The following DENND1B variants were observed in gnomAD, a reference collection of about 807,000 sequenced individuals.
DENND1B encodes DENN domain-containing protein 1B.
In DENND1B, 59 loss-of-function variants were observed where a neutral mutation model predicts 90.1. The observed-to-expected ratio is 0.65, with a 90% confidence interval of 0.53 to 0.81. DENND1B has a LOEUF of 0.81. DENND1B is among the 40% of genes least tolerant of loss of function. The probability of loss-of-function intolerance (pLI) is 0.00; values close to 1 mark genes in which losing one functional copy is unlikely to be tolerated. For missense variants in DENND1B, 862 were observed against 912.6 expected (o/e 0.94, Z 0.71); for synonymous variants, 337 against 324.6 (o/e 1.04, Z -0.41).
chr1:197,756,731 T>TA (rs1264462413), intron 2 of DENND1B, among the ~76,000 whole-genome samples: 1 of 151,738 alleles, frequency 6.6e-6, no homozygotes, highest in Non-Finnish European at 1.5e-5. Context: ...CCTTTTTATT[T>TA]AAAAAAATTC....
intron 2 of DENND1B, among the ~76,000 whole-genome samples, chr1:197,759,298 C>A (rs575474451): frequency 1.2e-4 from 18 of 149,388 alleles, no homozygotes; most frequent in Admixed American, 2.0e-4. Flanking sequence ...ATTTAAAAAA[C>A]CAAATAAAAG....
At chr1:197,529,826 G>T (rs1257988166) in intron 20 of DENND1B, among the ~76,000 whole-genome samples, 2 of 151,982 alleles carry the variant, frequency 1.3e-5, no homozygotes, top group African/African-American at 4.8e-5. Context: ...ACTGATGAAA[G>T]AACATAAGTA....
At chr1:197,640,783 C>G (rs574616265) in intron 10 of DENND1B, among the ~76,000 whole-genome samples, 2 of 152,210 alleles carry the variant, frequency 1.3e-5, no homozygotes, top group South Asian at 2.1e-4. Context: ...ATAGCTTATT[C>G]CCTCACTTTC....
chr1:197,642,594 C>G (rs76411838), intron 10 of DENND1B, 117 bp downstream of exon 10: 10 of 624,400 alleles, frequency 1.6e-5, no homozygotes, highest in Non-Finnish European at 2.7e-5. Flanking sequence ...ACATCAAAAA[C>G]GTATGTAGAT....
intron 15 of DENND1B, among the ~76,000 whole-genome samples, chr1:197,578,020 A>AAAG (rs1673844288): frequency 6.6e-6 from 1 of 152,188 alleles, no homozygotes; most frequent in Non-Finnish European, 1.5e-5. Flanking sequence ...TTAACAGTTT[A>AAAG]AATAATAATA....
At chr1:197,760,397 C>T (rs1437205898) in intron 2 of DENND1B, among the ~76,000 whole-genome samples, 1 of 152,028 alleles carries the variant, frequency 6.6e-6, no homozygotes, top group Non-Finnish European at 1.5e-5. Context: ...CACCTATAAT[C>T]CCAGCACTTT....
chr1:197,698,430 T>C (rs1234747300), intron 3 of DENND1B, among the ~76,000 whole-genome samples: 1 of 151,992 alleles, frequency 6.6e-6, no homozygotes, highest in Admixed American at 6.6e-5. Flanking sequence ...AGAGGAAAAT[T>C]TATAGCACTA....
intron 2 of DENND1B, among the ~76,000 whole-genome samples, chr1:197,715,772 A>C (rs889456889): frequency 6.6e-6 from 1 of 151,852 alleles, no homozygotes; most frequent in African/African-American, 2.4e-5. Flanking sequence ...TGTTTCTCAC[A>C]GTATTTCTCT....
intron 10 of DENND1B, among the ~76,000 whole-genome samples, chr1:197,622,267 C>G (rs185390335): frequency 2.8e-3 from 423 of 151,408 alleles, no homozygotes; most frequent in African/African-American, 9.0e-3. Context: ...ACCTAATCCT[C>G]ACAACAACCT....
chr1:197,618,159 C>G (rs1677828655), intron 10 of DENND1B, among the ~76,000 whole-genome samples: 1 of 151,180 alleles, frequency 6.6e-6, no homozygotes, highest in Admixed American at 6.6e-5. Context: ...GGAAGAGAGG[C>G]TGAAAGCTCC....
In DENND1B at chr1:197,645,742, T is replaced by C; in HGVS notation, c.509A>G (p.His170Arg). The C allele has an allele frequency of 6.4e-7, 1 of 1,564,434 alleles. No individual in the cohort carries two copies. The highest frequency in any genetic ancestry group is 1.2e-5 in the South Asian group (1 of 80,086). The change falls in exon 9 of 23, where the codon CAT becomes CGT. Residue 170 changes from histidine (H) to arginine (R), a missense_variant and splice_region_variant. By Grantham distance (29) the His-to-Arg change is conservative. Transcript: ENST00000620048. ...VLKDQPALVP[H>R]SYFIAPDVTG... The stretch of plus-strand genomic sequence containing the variant: ...TACATCAGGGGCAATGAAGTAGGAA[T>C]GCTAATCAATACAAATAAATCACAT...
At chr1:197,653,161 T>C (rs1479173064) in intron 6 of DENND1B, among the ~76,000 whole-genome samples, 1 of 151,990 alleles carries the variant, frequency 6.6e-6, no homozygotes, top group Non-Finnish European at 1.5e-5. Flanking sequence ...TTCAAAAGTA[T>C]TCATTCAAAA....
chr1:197,656,152 T>A (rs533427267), intron 6 of DENND1B, among the ~76,000 whole-genome samples: 46 of 152,222 alleles, frequency 3.0e-4, no homozygotes, highest in Middle Eastern at 6.8e-3. Context: ...TCTTCAAGAC[T>A]CTTTTCATCT....
At chr1:197,679,420 A>G (rs1160506595) in intron 3 of DENND1B, among the ~76,000 whole-genome samples, 5 of 151,628 alleles carry the variant, frequency 3.3e-5, no homozygotes, top group Admixed American at 6.6e-5. Flanking sequence ...TAGAGCATTT[A>G]CACTGTATTA....
rs962611008 is a variant in DENND1B, at chr1:197,509,404, T to C, written c.*1056A>G. 1 of 151,566 alleles carries C rather than the reference T, an allele frequency of 6.6e-6. No homozygotes were observed. Among genetic ancestry groups the C allele is most frequent in the African/African-American group, 2.4e-5 (1 of 41,318 alleles). 9.4% of individuals were successfully genotyped at this position (151,566 alleles called of 1,614,324 possible). The stretch of plus-strand genomic sequence containing the variant: ...GGATATTAGGAGAAAACTAAGAAAA[T>C]CTGAATAAAGTATGGAATATCAATA... On this transcript the variant is annotated 3_prime_UTR_variant, in exon 23 of 23. Coordinates refer to ENST00000620048, the MANE Select transcript of DENND1B (RefSeq NM_001195215.2).
chr1:197,650,971 C>G (rs1653090458), intron 7 of DENND1B, among the ~76,000 whole-genome samples: 1 of 152,020 alleles, frequency 6.6e-6, no homozygotes, highest in Non-Finnish European at 1.5e-5. Context: ...CACTAAAGAA[C>G]TTACTCATGT....
chr1:197,580,087 C>CTTTTTTTTTTTTTTTTT (rs139056668), intron 15 of DENND1B, among the ~76,000 whole-genome samples: 44 of 76,762 alleles, frequency 5.7e-4, no homozygotes, highest in Admixed American at 9.4e-4. Flanking sequence ...TTCTTTCTTT[C>CTTTTTTTTTTTTTTTTT]TTTTTTTTTT....
intron 20 of DENND1B, among the ~76,000 whole-genome samples, chr1:197,513,690 C>T (rs1031269134): frequency 6.6e-6 from 1 of 151,514 alleles, no homozygotes. Flanking sequence ...TCTTATAGTA[C>T]TCAGGCCATA....
intron 5 of DENND1B, among the ~76,000 whole-genome samples, chr1:197,667,505 C>T (rs192229104): frequency 1.0e-3 from 159 of 152,256 alleles, no homozygotes; most frequent in African/African-American, 3.8e-3. Context: ...TCTCAGCTAA[C>T]TGCAACCTCC....
Sources: allele counts gnomAD v4.1 joint callset (sites outside exome capture counted in the v4.1 genomes callset), GRCh38; gene constraint gnomAD v4.1.1; transcripts MANE v1.5; gene names NCBI Gene and HGNC (gene_info 2026-07-23, HGNC 2026-07-21).